XKRX: variants seen among roughly 807,000 people sequenced by gnomAD.
The protein encoded by XKRX is XK related X-linked.
In XKRX, 11 loss-of-function variants were observed where a neutral mutation model predicts 22.4. The observed-to-expected ratio is 0.49, with a 90% CI of 0.31 to 0.81. The LOEUF (loss-of-function observed/expected upper bound fraction) is 0.81, where lower values mean the gene tolerates loss of function less well. Among genes scored for constraint, XKRX ranks in the 40% least tolerant of loss-of-function variants. The pLI is 0.05. For synonymous variants in XKRX, 114 were observed against 132.2 expected (o/e 0.86, Z 0.94); for missense variants, 320 against 336.5 (o/e 0.95, Z 0.38).
At chrX:100,886,920 T>C in the XKRX span, among the ~76,000 whole-genome samples, 1 of 112,150 alleles carries the variant, frequency 8.9e-6, no homozygotes, top group Non-Finnish European at 1.9e-5. Context: ...GAGTTGTCAT[T>C]TCATTCAAGA....
At chrX:100,951,346 A>C in the XKRX span, among the ~76,000 whole-genome samples, 3 of 104,502 alleles carry the variant, frequency 2.9e-5, no homozygotes, top group African/African-American at 1.0e-4. Flanking sequence ...TTAGAAGCCC[A>C]AACCTCAGCA....
upstream of XKRX, among the ~76,000 whole-genome samples, chrX:100,931,085 T>C (rs1474694358): frequency 9.4e-6 from 1 of 106,150 alleles, no homozygotes; most frequent in Non-Finnish European, 1.9e-5. Flanking sequence ...TGAGCCAAGA[T>C]AGCACCATTG....
chrX:100,895,799 G>A, the XKRX span, among the ~76,000 whole-genome samples: 5 of 111,877 alleles, frequency 4.5e-5, no homozygotes, highest in East Asian at 5.6e-4. Context: ...GTTCATGGGC[G>A]AGATCACTTG....
chrX:100,906,186 C>T, the XKRX span, among the ~76,000 whole-genome samples: 1 of 111,616 alleles, frequency 9.0e-6, no homozygotes, highest in African/African-American at 3.3e-5. Context: ...TGCATAGCCT[C>T]CCTCTTCATC....
the XKRX span, among the ~76,000 whole-genome samples, chrX:100,934,913 G>C: frequency 9.0e-6 from 1 of 111,567 alleles, no homozygotes; most frequent in East Asian, 2.8e-4. Context: ...CATCCTAGTG[G>C]ATTTGGTTTG....
rs1221284128 is a variant in XKRX, at chrX:100,922,807, A to G, written c.590T>C (p.Val197Ala). The change falls in exon 2 of 3, where the codon GTT (valine) becomes GCT (alanine). Residue 197 changes from valine to alanine, a missense_variant. Coordinates refer to ENST00000372956, the MANE Select transcript of XKRX (RefSeq NM_212559.3). ...ACCCCACTCACCTCTACCCAGGGGA[A>G]CCTCTGCAGAGATCAGGCTCACATA... ...QLYVSLISAE[V>A]PLGRVVLMVF... 1 of 1,210,039 alleles carries G rather than the reference A, an allele frequency of 8.3e-7. No individual in the cohort carries two copies. The highest frequency in any genetic ancestry group is 2.2e-5 in the Admixed American group (1 of 45,949).
At chrX:100,915,691 TGTGTGTGTGTGTGTGTGC>T (rs1425793343) in intron 2 of XKRX, among the ~76,000 whole-genome samples, 1 of 101,182 alleles carries the variant, frequency 9.9e-6, no homozygotes, top group East Asian at 3.1e-4. Flanking sequence ...GGTGTGTCTG[TGTGTGTGTGTGTGTGTGC>T]GTGTGTGTGT....
At chrX:100,898,943 A>G in the XKRX span, among the ~76,000 whole-genome samples, 1 of 111,564 alleles carries the variant, frequency 9.0e-6, no homozygotes, top group East Asian at 2.8e-4. Context: ...CAAAGAAATC[A>G]GACTTTAACA....
At chrX:100,916,524 C>T (rs1320541917) in intron 2 of XKRX, among the ~76,000 whole-genome samples, 2 of 112,006 alleles carry the variant, frequency 1.8e-5, no homozygotes, top group Non-Finnish European at 3.8e-5. Context: ...TTGAATAAGG[C>T]GGAAAGAACT....
chrX:100,922,831 T>C lies in XKRX; in HGVS notation c.566A>G (p.Tyr189Cys), dbSNP rs769359957. The change falls in exon 2 of 3, where the codon TAT becomes TGT. Residue 189 changes from tyrosine to cysteine, a missense_variant. Transcript: ENST00000372956. ...AACCTCTGCAGAGATCAGGCTCACA[T>C]AGAGCTGATAGGTCAGCTGGGGCAC... ...GSVPQLTYQL[Y>C]VSLISAEVPL... 2.5e-6 allele frequency: 3 copies of C among 1,211,178 alleles called. No individual in the cohort carries two copies. The highest frequency in any genetic ancestry group is 2.2e-5 in the Admixed American group (1 of 45,956).
chrX:100,914,912 A>C lies in XKRX; in HGVS notation c.776T>G (p.Val259Gly), dbSNP rs1242506344. ...LEITSRLLILVLFSATLKLKA... is the reference protein window; with the variant it reads ...LEITSRLLILGLFSATLKLKA... The stretch of plus-strand genomic sequence containing the variant: ...CAATTTCAAAGTGGCTGAGAAGAGC[A>C]CCAGAATCAGGAGGCGGGAAGTGAT... The change falls in exon 3 of 3, where the codon GTG becomes GGG. Residue 259 changes from valine to glycine, a missense_variant. Transcript: ENST00000372956. The C allele has an allele frequency of 1.7e-6, 2 of 1,211,936 alleles. No individual in the cohort carries two copies. Among genetic ancestry groups the C allele is most frequent in the Non-Finnish European group, 1.1e-6 (1 of 895,596 alleles).
downstream of XKRX, among the ~76,000 whole-genome samples, chrX:100,912,362 T>C (rs544868984): frequency 4.7e-5 from 3 of 63,674 alleles, no homozygotes; most frequent in Middle Eastern, 0.024. Flanking sequence ...AGCAAGTCCA[T>C]ACAGTCTCTC....
chrX:100,892,517 T>A, the XKRX span, among the ~76,000 whole-genome samples: 1 of 110,615 alleles, frequency 9.0e-6, no homozygotes, highest in Admixed American at 9.6e-5. Flanking sequence ...GAGCAAAGGA[T>A]CTGAATAAAT....
At chrX:100,929,871 C>T (rs1219595238), upstream of XKRX, among the ~76,000 whole-genome samples, 1 of 111,860 alleles carries the variant, frequency 8.9e-6, no homozygotes, top group African/African-American at 3.3e-5. Context: ...TCTTAAAGAG[C>T]TTTGAAAATT....
At chrX:100,938,671 C>G in the XKRX span, among the ~76,000 whole-genome samples, 1 of 111,283 alleles carries the variant, frequency 9.0e-6, no homozygotes, top group African/African-American at 3.3e-5. Context: ...CTTGAATCTG[C>G]CTCTAAGTCT....
At chrX:100,945,222 G>T in the XKRX span, among the ~76,000 whole-genome samples, 1 of 99,995 alleles carries the variant, frequency 1.0e-5, no homozygotes, top group Non-Finnish European at 2.0e-5. Context: ...AGGACTACAG[G>T]TTATGCACCA....
At chrX:100,955,969 A>G in the XKRX span, among the ~76,000 whole-genome samples, 1 of 112,177 alleles carries the variant, frequency 8.9e-6, no homozygotes, top group East Asian at 2.8e-4. Context: ...ATGCCCATCA[A>G]TAATAGACTG....
At chrX:100,947,095 C>G in the XKRX span, among the ~76,000 whole-genome samples, 1 of 111,950 alleles carries the variant, frequency 8.9e-6, no homozygotes, top group Non-Finnish European at 1.9e-5. Flanking sequence ...CATTACATGT[C>G]CTATATCATC....
chrX:100,938,224 C>T, the XKRX span, among the ~76,000 whole-genome samples: 2 of 111,455 alleles, frequency 1.8e-5, no homozygotes, highest in South Asian at 3.8e-4. Flanking sequence ...CACAGTGGGC[C>T]GGAAAATGCA....
Sources: gnomAD v4.1 joint callset for allele counts (sites outside exome capture counted in the v4.1 genomes callset) on GRCh38, gnomAD v4.1.1 for gene constraint, MANE v1.5 for transcripts, NCBI Gene and HGNC (gene_info 2026-07-23, HGNC 2026-07-21) for gene names.